Variants in AGBL4 observed in about 807,000 individuals in gnomAD.
The protein encoded by AGBL4 is cytosolic carboxypeptidase 6.
A neutral mutation model predicts 66.4 loss-of-function variants in AGBL4; 58 were observed. The ratio of observed to expected loss-of-function variants is 0.87; its 90% CI spans 0.71 to 1.09. The LOEUF (loss-of-function observed/expected upper bound fraction) is 1.09. AGBL4 is among the 50% of genes least tolerant of loss of function. AGBL4 has a pLI of 0.00. For missense variants in AGBL4, 579 were observed against 631.0 expected (o/e 0.92, Z 0.88); for synonymous variants, 234 against 222.9 (o/e 1.05, Z -0.44).
At chr1:48,769,569 AC>A (rs375699679) in intron 6 of AGBL4, among the ~76,000 whole-genome samples, 1,570 of 129,736 alleles carry the variant, frequency 0.012, 20 homozygotes, top group African/African-American at 0.039. Flanking sequence ...ACACACACAC[AC>A]AAGTTAAATT....
At chr1:49,012,203 G>A (rs954691553) in intron 5 of AGBL4, among the ~76,000 whole-genome samples, 5 of 151,974 alleles carry the variant, frequency 3.3e-5, no homozygotes, top group South Asian at 2.1e-4. Flanking sequence ...CTTTTTGCTC[G>A]AATATAAAGA....
chr1:49,109,768 C>T (rs756619593), intron 4 of AGBL4, among the ~76,000 whole-genome samples: 34 of 152,138 alleles, frequency 2.2e-4, no homozygotes, highest in Admixed American at 5.2e-4. Flanking sequence ...ACTGATTCCA[C>T]CTTTCCCCGT....
intron 3 of AGBL4, among the ~76,000 whole-genome samples, chr1:49,606,986 C>G (rs969213594): frequency 6.6e-6 from 1 of 152,118 alleles, no homozygotes; most frequent in African/African-American, 2.4e-5. Flanking sequence ...CATTAACTAC[C>G]TATATGTTAA....
intron 1 of AGBL4, among the ~76,000 whole-genome samples, chr1:49,892,341 G>C (rs893298840): frequency 6.6e-6 from 1 of 152,114 alleles, no homozygotes; most frequent in South Asian, 2.1e-4. Flanking sequence ...CTCTCAAATG[G>C]CTGATACAAG....
intron 2 of AGBL4, among the ~76,000 whole-genome samples, chr1:49,837,837 T>C (rs1033181833): frequency 4.5e-4 from 68 of 152,038 alleles, no homozygotes; most frequent in African/African-American, 1.6e-3. Context: ...AGAGTAAGAC[T>C]CCATCTCAAA....
chr1:49,309,983 G>T (rs1458736869), intron 3 of AGBL4, among the ~76,000 whole-genome samples: 2 of 152,048 alleles, frequency 1.3e-5, no homozygotes, highest in African/African-American at 4.8e-5. Flanking sequence ...GAACTCAGAG[G>T]TCAAAGAGAT....
At chr1:49,657,281 C>T (rs1177294985) in intron 3 of AGBL4, among the ~76,000 whole-genome samples, 10 of 152,102 alleles carry the variant, frequency 6.6e-5, no homozygotes, top group Admixed American at 2.0e-4. Context: ...AATAAAATAC[C>T]TAGGAATCCA....
chr1:49,107,694 T>A (rs1748180), intron 4 of AGBL4, among the ~76,000 whole-genome samples: 9,837 of 113,092 alleles, frequency 0.087, 737 homozygotes, highest in African/African-American at 0.21. Flanking sequence ...TGTGTGTGTG[T>A]GAGAGAGAGA....
At chr1:49,793,771 A>G (rs576841061) in intron 2 of AGBL4, among the ~76,000 whole-genome samples, 40 of 152,076 alleles carry the variant, frequency 2.6e-4, no homozygotes, top group South Asian at 1.5e-3. Context: ...AATTAAAAGG[A>G]TGATAAAACA....
chr1:49,119,603 G>A (rs1187215714), intron 4 of AGBL4, among the ~76,000 whole-genome samples: 1 of 152,204 alleles, frequency 6.6e-6, no homozygotes, highest in Non-Finnish European at 1.5e-5. Flanking sequence ...TTGCTGAGGA[G>A]TGCTTTACTT....
In AGBL4 at chr1:49,531,654, T is replaced by C. The variant is rs528193953; in HGVS notation, c.282+165659A>G. ...TTCTCACAACAACCCTGTGATGTAG[T>C]TATTATTATCCCTATTTACAGATAA... On this transcript the variant is annotated intron_variant, in intron 3 of 13. Transcript: ENST00000371839. Among the ~76,000 whole-genome samples the C allele has an allele frequency of 3.3e-4, 51 of 152,274 alleles. 1 individual carries two copies. In the South Asian group the frequency reaches 9.7e-3, roughly 29 times the overall value.
chr1:48,815,905 G>A (rs1044081335), intron 6 of AGBL4, among the ~76,000 whole-genome samples: 1 of 152,136 alleles, frequency 6.6e-6, no homozygotes, highest in East Asian at 1.9e-4. Flanking sequence ...GTCAGATGTG[G>A]TCTCTCTTTC....
chr1:49,658,581 C>T (rs915367817), intron 3 of AGBL4, among the ~76,000 whole-genome samples: 1 of 152,138 alleles, frequency 6.6e-6, no homozygotes, highest in African/African-American at 2.4e-5. Context: ...TGGCACTACT[C>T]ACAATAGCAA....
intron 6 of AGBL4, among the ~76,000 whole-genome samples, chr1:48,679,651 G>T (rs999666976): frequency 1.3e-5 from 2 of 152,180 alleles, no homozygotes; most frequent in Non-Finnish European, 2.9e-5. Context: ...CTTGCTCCAG[G>T]TCACATGGCT....
At chr1:49,687,807 G>A (rs900447696) in intron 3 of AGBL4, among the ~76,000 whole-genome samples, 1 of 151,730 alleles carries the variant, frequency 6.6e-6, no homozygotes, top group Admixed American at 6.6e-5. Context: ...AAAAATACAA[G>A]TATGTTCATG....
chr1:49,548,738 T>C (rs183534145), intron 3 of AGBL4, among the ~76,000 whole-genome samples: 1 of 152,290 alleles, frequency 6.6e-6, no homozygotes, highest in African/African-American at 2.4e-5. Context: ...TGTAGTTTTC[T>C]TTTTTGGTTA....
intron 3 of AGBL4, among the ~76,000 whole-genome samples, chr1:49,254,121 C>T (rs1652288259): frequency 6.6e-6 from 1 of 152,146 alleles, no homozygotes; most frequent in Non-Finnish European, 1.5e-5. Context: ...CAAGGATGCC[C>T]TCTCTCACCA....
chr1:49,845,060 TA>T (rs1395631325), intron 2 of AGBL4: 1 of 1,454,634 alleles, frequency 6.9e-7, no homozygotes, highest in East Asian at 2.3e-5. Context: ...AAAACCTATG[TA>T]AAAGAGAAAC....
At chr1:49,329,307 A>T (rs969295490) in intron 3 of AGBL4, among the ~76,000 whole-genome samples, 2 of 152,050 alleles carry the variant, frequency 1.3e-5, no homozygotes, top group Non-Finnish European at 1.5e-5. Flanking sequence ...ATTCCGTCTC[A>T]AAACAAAACA....
Sources: gnomAD v4.1 joint callset for allele counts (sites outside exome capture counted in the v4.1 genomes callset) on GRCh38, gnomAD v4.1.1 for gene constraint, MANE v1.5 for transcripts, NCBI Gene and HGNC (gene_info 2026-07-23, HGNC 2026-07-21) for gene names.